The following CSMD1 variants were observed in gnomAD, a reference collection of about 807,000 sequenced individuals.
The protein encoded by CSMD1 is CUB and sushi domain-containing protein 1.
In CSMD1, 213 loss-of-function variants were observed where a neutral mutation model predicts 417.5. That is an observed-to-expected ratio of 0.51 (90% CI 0.46 to 0.57). The LOEUF (loss-of-function observed/expected upper bound fraction) is 0.57. CSMD1 is among the 20% of genes least tolerant of loss of function. The probability of loss-of-function intolerance (pLI) is 0.00; values close to 1 mark genes in which losing one functional copy is unlikely to be tolerated. For synonymous variants in CSMD1, 2,862 were observed against 1,736.8 expected, an observed-to-expected ratio of 1.65 and a Z score of -16.11; for missense variants, 6,923 against 4,529.7, an observed-to-expected ratio of 1.53 and a Z score of -15.17.
rs1801633727 is a variant in CSMD1, at chr8:3,606,721, T to A, written c.1097+9989A>T. On this transcript the variant is annotated intron_variant, in intron 8 of 69. Coordinates refer to ENST00000635120, the MANE Select transcript of CSMD1 (RefSeq NM_033225.6). ...AATTTTACTTCGTTACAATTTTTTT[T>A]TTTTTTTTGAGACAGAGTCTCACTG... Among the ~76,000 whole-genome samples, 3 of 152,016 alleles carry A rather than the reference T, an allele frequency of 2.0e-5. No individual in the cohort carries two copies. The South Asian group carries it at 6.2e-4, about 32-fold the overall frequency.
chr8:4,146,594 A>ATTTTTTTT (rs71205423), intron 3 of CSMD1, among the ~76,000 whole-genome samples: 10 of 64,264 alleles, frequency 1.6e-4, no homozygotes, highest in Non-Finnish European at 2.1e-4. Flanking sequence ...ATATGGACAC[A>ATTTTTTTT]TTTTTTTTTT....
intron 5 of CSMD1, among the ~76,000 whole-genome samples, chr8:3,940,261 T>C (rs149501490): frequency 8.6e-4 from 131 of 152,226 alleles, no homozygotes; most frequent in African/African-American, 2.9e-3. Context: ...AATCAGACTC[T>C]GAAATATCTA....
chr8:4,276,800 G>A (rs1006482053), intron 3 of CSMD1, among the ~76,000 whole-genome samples: 1 of 152,124 alleles, frequency 6.6e-6, no homozygotes, highest in Non-Finnish European at 1.5e-5. Context: ...TAGAACAGTG[G>A]TTTTCCCTGA....
chr8:4,813,549 C>G (rs190816799), intron 1 of CSMD1, among the ~76,000 whole-genome samples: 211 of 152,280 alleles, frequency 1.4e-3, no homozygotes, highest in Non-Finnish European at 2.4e-3. Flanking sequence ...TGTGTTAACT[C>G]TTTCCAGAAG....
chr8:3,323,299 T>C (rs1240028399), intron 23 of CSMD1, among the ~76,000 whole-genome samples: 1 of 152,158 alleles, frequency 6.6e-6, no homozygotes, highest in Admixed American at 6.5e-5. Context: ...TATTTTTACC[T>C]TCAATAATCT....
chr8:3,699,561 A>G (rs1800733036), intron 7 of CSMD1, among the ~76,000 whole-genome samples: 3 of 152,090 alleles, frequency 2.0e-5, no homozygotes, highest in Admixed American at 6.5e-5. Flanking sequence ...TCTATATTTT[A>G]TGGGTTGATC....
chr8:4,071,060 G>A (rs1799529381), intron 3 of CSMD1, among the ~76,000 whole-genome samples: 1 of 152,092 alleles, frequency 6.6e-6, no homozygotes, highest in African/African-American at 2.4e-5. Flanking sequence ...TGGCTGTGGT[G>A]TACATGGTTA....
chr8:4,819,528 C>A (rs1374246849), intron 1 of CSMD1, among the ~76,000 whole-genome samples: 1 of 152,010 alleles, frequency 6.6e-6, no homozygotes, highest in Admixed American at 6.6e-5. Context: ...TTTTATTTTC[C>A]CTTGTGTTAG....
chr8:4,543,467 T>C (rs1797489678), intron 2 of CSMD1, among the ~76,000 whole-genome samples: 1 of 152,122 alleles, frequency 6.6e-6, no homozygotes, highest in Non-Finnish European at 1.5e-5. Flanking sequence ...CTTGCATGAA[T>C]TAATTGTTTC....
At chr8:4,191,790 G>C (rs1403039500) in intron 3 of CSMD1, among the ~76,000 whole-genome samples, 3 of 148,472 alleles carry the variant, frequency 2.0e-5, no homozygotes, top group Non-Finnish European at 4.4e-5. Flanking sequence ...CTGTGGTTAA[G>C]GTTGAATTGA....
At chr8:3,742,062 C>G (rs1228811243) in intron 6 of CSMD1, among the ~76,000 whole-genome samples, 1 of 151,520 alleles carries the variant, frequency 6.6e-6, no homozygotes, top group East Asian at 1.9e-4. Flanking sequence ...TCATTCAGCA[C>G]ATTCTTGCCT....
At chr8:4,124,452 G>A (rs1802652431) in intron 3 of CSMD1, among the ~76,000 whole-genome samples, 2 of 152,138 alleles carry the variant, frequency 1.3e-5, no homozygotes, top group South Asian at 2.1e-4. Context: ...CCACGAAGCT[G>A]CAGATGGCCA....
chr8:4,191,089 A>G (rs1450510715), intron 3 of CSMD1, among the ~76,000 whole-genome samples: 1 of 146,734 alleles, frequency 6.8e-6, no homozygotes, highest in Non-Finnish European at 1.5e-5. Flanking sequence ...ATTAAAATAA[A>G]ATAAAAGTTG....
intron 3 of CSMD1, among the ~76,000 whole-genome samples, chr8:4,273,260 T>G (rs978266676): frequency 6.6e-6 from 1 of 152,162 alleles, no homozygotes. Context: ...ATGAGCATAT[T>G]TGTATTAGTT....
chr8:4,493,606 G>C (rs111491700), intron 2 of CSMD1, among the ~76,000 whole-genome samples: 2 of 152,168 alleles, frequency 1.3e-5, no homozygotes, highest in East Asian at 3.9e-4. Context: ...GAGGTGGGGA[G>C]ATTGCTTGAG....
intron 25 of CSMD1, among the ~76,000 whole-genome samples, chr8:3,297,987 T>C (rs1321764831): frequency 2.0e-5 from 3 of 152,044 alleles, no homozygotes; most frequent in African/African-American, 4.8e-5. Flanking sequence ...CCAATAAACA[T>C]ATAAAAAAGT....
intron 10 of CSMD1, among the ~76,000 whole-genome samples, chr8:3,560,528 T>C (rs1799424095): frequency 6.6e-6 from 1 of 152,100 alleles, no homozygotes; most frequent in Non-Finnish European, 1.5e-5. Flanking sequence ...AAAGCATGTA[T>C]TTGAGAAAAG....
At chr8:4,143,853 T>A (rs35337708) in intron 3 of CSMD1, among the ~76,000 whole-genome samples, 45,128 of 150,774 alleles carry the variant, frequency 0.3, 8,404 homozygotes, top group Non-Finnish European at 0.39. Context: ...TATTTTGAGG[T>A]CCCTCTCAGT....
At chr8:4,195,832 A>C (rs1799303863) in intron 3 of CSMD1, among the ~76,000 whole-genome samples, 2 of 152,086 alleles carry the variant, frequency 1.3e-5, no homozygotes, top group Admixed American at 1.3e-4. Context: ...GTAGATGAGG[A>C]GGCAGTGGAA....
Sources: gnomAD v4.1 joint callset for allele counts (sites outside exome capture counted in the v4.1 genomes callset) on GRCh38, gnomAD v4.1.1 for gene constraint, MANE v1.5 for transcripts, NCBI Gene and HGNC (gene_info 2026-07-23, HGNC 2026-07-21) for gene names.